VPS26A: variants seen among roughly 807,000 people sequenced by gnomAD.
VPS26A encodes VPS26 retromer complex component A, also known as vacuolar protein sorting-associated protein 26A.
In VPS26A, 22 loss-of-function variants were observed where a neutral mutation model predicts 42.4. That is an observed-to-expected ratio of 0.52 (90% CI 0.37 to 0.74). The LOEUF (loss-of-function observed/expected upper bound fraction) is 0.74. Ranked by LOEUF, VPS26A falls within the 30% of genes least tolerant of loss-of-function variation. The pLI is 0.00. For synonymous variants in VPS26A, 110 were observed against 123.5 expected (o/e 0.89, Z 0.73); for missense variants, 276 against 379.2 (o/e 0.73, Z 2.26).
intron 1 of VPS26A, among the ~76,000 whole-genome samples, chr10:69,128,463 C>T (rs922516281): frequency 6.6e-6 from 1 of 151,906 alleles, no homozygotes; most frequent in African/African-American, 2.4e-5. Flanking sequence ...ATCTCCTGAC[C>T]TTGTGATCCT....
At chr10:69,167,478 G>T (rs973909518) in intron 7 of VPS26A, among the ~76,000 whole-genome samples, 1 of 151,628 alleles carries the variant, frequency 6.6e-6, no homozygotes, top group African/African-American at 2.4e-5. Context: ...GCTCACGCCT[G>T]TAATCCCAGC....
At chr10:69,162,906 C>T (rs746647316) in intron 6 of VPS26A, among the ~76,000 whole-genome samples, 1 of 152,108 alleles carries the variant, frequency 6.6e-6, no homozygotes, top group Non-Finnish European at 1.5e-5. Flanking sequence ...CACTGCACTT[C>T]AGCTTGGACA....
chr10:69,135,823 A>G (rs1054353279), intron 2 of VPS26A, among the ~76,000 whole-genome samples: 9 of 152,288 alleles, frequency 5.9e-5, no homozygotes, highest in Admixed American at 5.9e-4. Flanking sequence ...AATTATTATA[A>G]GGCATATTTT....
chr10:69,150,491 G>A (rs1346840814), intron 2 of VPS26A, among the ~76,000 whole-genome samples: 2 of 152,142 alleles, frequency 1.3e-5, no homozygotes, highest in Admixed American at 1.3e-4. Context: ...CCACCTCCTG[G>A]GTTTCACACC....
At chr10:69,135,662 G>T (rs10823302) in intron 2 of VPS26A, among the ~76,000 whole-genome samples, 114,794 of 152,112 alleles carry the variant, frequency 0.75, 45,342 homozygotes, top group Non-Finnish European at 0.89. Context: ...TGGATAGCAT[G>T]TTTTAAAATG....
chr10:69,137,391 T>C (rs1840938217), intron 2 of VPS26A, among the ~76,000 whole-genome samples: 1 of 152,236 alleles, frequency 6.6e-6, no homozygotes, highest in Admixed American at 6.5e-5. Flanking sequence ...CAGTCTCGTC[T>C]GAAGTTCAGG....
chr10:69,170,364 T>C (rs986390380), intron 8 of VPS26A: 9 of 152,174 alleles, frequency 5.9e-5, no homozygotes, highest in African/African-American at 1.9e-4. Flanking sequence ...CATGGCACTA[T>C]TGGAGGTAAG....
In VPS26A at chr10:69,133,766, G is replaced by A. The variant is rs1388550804; in HGVS notation, c.153+719G>A. ...GGTGTGATCATGGCTTACTGCATGC[G>A]GCCTTGTACTCCTGGACTCAGGTGA... On this transcript the variant is annotated intron_variant, in intron 2 of 8. Transcript: ENST00000263559. 1.0e-5 allele frequency: 4 copies of A among 389,592 alleles called. No individual in the cohort carries two copies. The East Asian group carries it at 2.2e-4, about 21-fold the overall frequency. The allele number at this position is 389,592 out of a possible 1,614,324, so 24.1% of individuals were successfully genotyped here.
Position 69,174,080 on chromosome 10 carries a change from C to A in VPS26A, c.*2811C>A, listed in dbSNP as rs934784159. On this transcript the variant is annotated 3_prime_UTR_variant, in exon 9 of 9. Transcript: ENST00000263559. ...AAGCTGGCCACCCCCCAGCCAGCAG[C>A]GGCAACCGGCTCGGGTCCCCCTCCA... Among the ~76,000 whole-genome samples, 9 of 152,216 alleles carry A rather than the reference C, an allele frequency of 5.9e-5. No individual in the cohort carries two copies. The highest frequency in any genetic ancestry group is 1.2e-4 in the Non-Finnish European group (8 of 68,036).
At chr10:69,138,560 G>A (rs1840970889) in intron 2 of VPS26A, among the ~76,000 whole-genome samples, 1 of 152,208 alleles carries the variant, frequency 6.6e-6, no homozygotes, top group South Asian at 2.1e-4. Context: ...ATAGTTGCAT[G>A]CAAAGATTGC....
chr10:69,124,647 C>T (rs989387392), intron 1 of VPS26A, among the ~76,000 whole-genome samples: 1 of 152,220 alleles, frequency 6.6e-6, no homozygotes. Flanking sequence ...GGCAGCCTCT[C>T]TTCCATCCAG....
At chr10:69,170,180 A>G (rs529654521) in intron 8 of VPS26A, 30 of 152,332 alleles carry the variant, frequency 2.0e-4, no homozygotes, top group African/African-American at 6.7e-4. Flanking sequence ...GATATCTGGG[A>G]AAAAGAAAAA....
At chr10:69,130,284 G>A (rs886869062) in intron 1 of VPS26A, among the ~76,000 whole-genome samples, 1 of 152,210 alleles carries the variant, frequency 6.6e-6, no homozygotes, top group Non-Finnish European at 1.5e-5. Context: ...TACTAAGTAA[G>A]CCTTGTGAAA....
chr10:69,163,369 C>T (rs184093523), intron 6 of VPS26A, among the ~76,000 whole-genome samples: 53 of 152,316 alleles, frequency 3.5e-4, no homozygotes, highest in African/African-American at 1.0e-3. Flanking sequence ...ATCCTCCCAC[C>T]TCTGCCTCCC....
chr10:69,152,864 G>A lies in VPS26A; in HGVS notation c.154-2948G>A, dbSNP rs138259421. On this transcript the variant is annotated intron_variant, in intron 2 of 8. Coordinates refer to ENST00000263559, the MANE Select transcript of VPS26A (RefSeq NM_004896.5). Reference sequence around the variant, plus strand: ...GGGCGCCTGTAGTCCCAGCCACCCAGGAGGCTGAGGCAGGAGAATGGCATG... The same window carrying A: ...GGGCGCCTGTAGTCCCAGCCACCCAAGAGGCTGAGGCAGGAGAATGGCATG... 3.5e-3 allele frequency among the ~76,000 whole-genome samples: 535 copies of A among 151,946 alleles called. 5 individuals carry two copies. Among genetic ancestry groups the A allele is most frequent in the African/African-American group, 0.012 (510 of 41,466 alleles).
chr10:69,132,823 G>C, intron 1 of VPS26A, 75 bp from the exon 2 acceptor site: 1 of 1,390,798 alleles, frequency 7.2e-7, no homozygotes, highest in Non-Finnish European at 9.7e-7. Context: ...GTAGTTCATA[G>C]GTAATTAAAT....
intron 5 of VPS26A, among the ~76,000 whole-genome samples, chr10:69,158,506 T>C (rs1253661947): frequency 6.6e-6 from 1 of 152,140 alleles, no homozygotes; most frequent in Non-Finnish European, 1.5e-5. Flanking sequence ...GGCTTGATAT[T>C]ACCTCATCCT....
chr10:69,164,980 T>C (rs976934239), intron 6 of VPS26A, among the ~76,000 whole-genome samples: 4 of 150,972 alleles, frequency 2.6e-5, no homozygotes, highest in Non-Finnish European at 5.9e-5. Flanking sequence ...CAGGCTGGAG[T>C]GCAGTGGCGT....
At chr10:69,140,005 C>T (rs1387093863) in intron 2 of VPS26A, among the ~76,000 whole-genome samples, 4 of 151,034 alleles carry the variant, frequency 2.6e-5, no homozygotes, top group Non-Finnish European at 5.9e-5. Flanking sequence ...CTTAAAATAA[C>T]TTTGTATGGG....
Sources: allele counts gnomAD v4.1 joint callset (sites outside exome capture counted in the v4.1 genomes callset), GRCh38; gene constraint gnomAD v4.1.1; transcripts MANE v1.5; gene names NCBI Gene and HGNC (gene_info 2026-07-23, HGNC 2026-07-21).